Variants in STIM2 observed in about 807,000 individuals in gnomAD.
STIM2 encodes stromal interaction molecule 2.
Under a neutral mutation model 85.8 loss-of-function variants are expected in STIM2, and 31 were observed. The ratio of observed to expected loss-of-function variants is 0.36; its 90% CI spans 0.27 to 0.49. STIM2 has a LOEUF of 0.49. STIM2 is among the 20% of genes least tolerant of loss of function. The probability of loss-of-function intolerance (pLI) is 0.98; values close to 1 mark genes in which losing one functional copy is unlikely to be tolerated. For synonymous variants in STIM2, 356 were observed against 331.1 expected (o/e 1.08, Z -0.82); for missense variants, 841 against 927.6 (o/e 0.91, Z 1.21).
At chr4:26,956,671 AG>A (rs1726255204) in intron 2 of STIM2, among the ~76,000 whole-genome samples, 1 of 151,868 alleles carries the variant, frequency 6.6e-6, no homozygotes, top group Non-Finnish European at 1.5e-5. Context: ...AATTAAAAGT[AG>A]TAGCTTAAAA....
chr4:26,861,890 T>A (rs942642871), intron 1 of STIM2, among the ~76,000 whole-genome samples: 7 of 152,050 alleles, frequency 4.6e-5, no homozygotes, highest in African/African-American at 1.7e-4. Context: ...CCTAGTGATA[T>A]TAGTGGTTCC....
chr4:26,974,606 C>T (rs573066847), intron 3 of STIM2, among the ~76,000 whole-genome samples: 17 of 152,236 alleles, frequency 1.1e-4, no homozygotes, highest in South Asian at 4.2e-4. Context: ...CCAAGAGATT[C>T]GCTGTTAGTC....
rs549717901 is a variant in STIM2, at chr4:26,944,153, G to A, written c.283-13459G>A. 2.0e-5 allele frequency among the ~76,000 whole-genome samples: 3 copies of A among 152,008 alleles called. No individual in the cohort carries two copies. In the East Asian group the frequency reaches 5.8e-4, roughly 29 times the overall value. ...TATTGTTTTATACAAATATATACAT[G>A]GTTCCACAGTCTAATCTAGGAAACA... On this transcript the variant is annotated intron_variant, in intron 2 of 11. Coordinates refer to ENST00000467087, the MANE Select transcript of STIM2 (RefSeq NM_020860.4).
At chr4:26,915,651 G>A (rs552194743) in intron 1 of STIM2, among the ~76,000 whole-genome samples, 58 of 152,316 alleles carry the variant, frequency 3.8e-4, no homozygotes, top group African/African-American at 1.3e-3. Flanking sequence ...ATTTAATAAT[G>A]GTGTTGATAG....
Position 27,017,816 on chromosome 4 carries a change from C to A in STIM2, c.1595C>A (p.Ala532Asp). The change falls in exon 11 of 12, where the codon GCT (alanine) becomes GAT (aspartate). Residue 532 changes from alanine to aspartate, a missense_variant. Ala to Asp is a moderately radical substitution (Grantham distance 126). Coordinates refer to ENST00000467087, the MANE Select transcript of STIM2 (RefSeq NM_020860.4). ...CCTCAGCCTCAGCGAGCTCAGCTTG[C>A]TCCACACGCCCCCCACCCGTCACAC... 2 of 1,614,148 alleles carry A rather than the reference C, an allele frequency of 1.2e-6. No individual in the cohort carries two copies. The highest frequency in any genetic ancestry group is 1.7e-6 in the Non-Finnish European group (2 of 1,180,032).
At chr4:26,918,228 C>CTT (rs367780616) in intron 1 of STIM2, among the ~76,000 whole-genome samples, 28 of 130,506 alleles carry the variant, frequency 2.1e-4, no homozygotes, top group Admixed American at 6.2e-4. Flanking sequence ...ATCAGTTTGA[C>CTT]TTTTTTTTTT....
intron 1 of STIM2, among the ~76,000 whole-genome samples, chr4:26,886,193 C>T (rs1163485749): frequency 1.3e-5 from 2 of 152,008 alleles, no homozygotes; most frequent in Non-Finnish European, 2.9e-5. Context: ...GAACTTTTTC[C>T]TTCTTAAAGC....
intron 3 of STIM2, among the ~76,000 whole-genome samples, chr4:26,990,242 C>T (rs367725735): frequency 2.0e-5 from 3 of 151,984 alleles, no homozygotes; most frequent in African/African-American, 2.4e-5. Context: ...ATCATGGTAC[C>T]GGCATAAAAA....
At chr4:26,869,743 A>G (rs371322754) in intron 1 of STIM2, among the ~76,000 whole-genome samples, 1 of 151,716 alleles carries the variant, frequency 6.6e-6, no homozygotes, top group East Asian at 1.9e-4. Flanking sequence ...CATAATCTAA[A>G]AATATGAAAA....
intron 1 of STIM2, among the ~76,000 whole-genome samples, chr4:26,897,514 G>A (rs1723752383): frequency 6.6e-6 from 1 of 152,090 alleles, no homozygotes; most frequent in Admixed American, 6.5e-5. Flanking sequence ...ACACAGTAGT[G>A]TAATAAATTT....
chr4:26,956,947 A>G (rs1726268325), intron 2 of STIM2, among the ~76,000 whole-genome samples: 3 of 152,122 alleles, frequency 2.0e-5, no homozygotes, highest in Admixed American at 2.0e-4. Flanking sequence ...CTTTCCTTAT[A>G]GGACTGTCGT....
chr4:26,873,837 G>T, intron 1 of STIM2: 1 of 977,850 alleles, frequency 1.0e-6, no homozygotes, highest in Non-Finnish European at 1.6e-6. Flanking sequence ...AACCGCCGTA[G>T]TGGGTGGGTA....
chr4:26,910,784 G>C (rs1006771520), intron 1 of STIM2, among the ~76,000 whole-genome samples: 2 of 152,150 alleles, frequency 1.3e-5, no homozygotes, highest in Non-Finnish European at 1.5e-5. Flanking sequence ...CTATAGAGAG[G>C]CTCTGAGATC....
intron 3 of STIM2, among the ~76,000 whole-genome samples, chr4:26,993,831 G>C (rs1026283293): frequency 4.6e-5 from 7 of 152,148 alleles, no homozygotes; most frequent in African/African-American, 1.7e-4. Context: ...ATAAAGTTTT[G>C]TTCTGTGAAC....
At chr4:26,983,654 G>A (rs890927876) in intron 3 of STIM2, among the ~76,000 whole-genome samples, 1 of 152,124 alleles carries the variant, frequency 6.6e-6, no homozygotes, top group Non-Finnish European at 1.5e-5. Flanking sequence ...TTCTTACCTG[G>A]AAGTTGTTTG....
Position 26,861,235 on chromosome 4 carries a change from TG to T in STIM2, c.18del (p.Leu7TrpfsTer2). 1 of 1,494,998 alleles carries T rather than the reference TG, an allele frequency of 6.7e-7. No homozygotes were observed. The highest frequency in any genetic ancestry group is 8.9e-7 in the Non-Finnish European group (1 of 1,129,670). 92.6% of individuals were successfully genotyped at this position (1,494,998 alleles called of 1,614,324 possible). A position where few individuals can be genotyped will look rare whatever the true frequency, so the allele number is the denominator to read the frequency against. On this transcript the variant is annotated frameshift_variant, in exon 1 of 12. Coordinates refer to ENST00000467087, the MANE Select transcript of STIM2 (RefSeq NM_020860.4). LOFTEE classifies it high-confidence loss of function. ...TGGGCTGCGTTGCTGGTGCTCGGGC[TG>T]CTGGTAGCCGGAGCGGCGGACGGAT...
At chr4:26,989,554 C>T (rs1727692126) in intron 3 of STIM2, among the ~76,000 whole-genome samples, 1 of 152,164 alleles carries the variant, frequency 6.6e-6, no homozygotes, top group Admixed American at 6.5e-5. Context: ...AGATCTGAAA[C>T]AAGACAAGGA....
intron 1 of STIM2, among the ~76,000 whole-genome samples, chr4:26,898,077 A>G (rs1723777133): frequency 6.6e-6 from 1 of 152,326 alleles, no homozygotes; most frequent in East Asian, 1.9e-4. Context: ...CCAAACATGT[A>G]TTTTAAAAAA....
rs1213282476 is a variant in STIM2, at chr4:27,024,167, T to C, written c.*1171T>C. The stretch of plus-strand genomic sequence containing the variant: ...GTTCTAATATCAAGATTAACAAATA[T>C]AAATTTATGGTGCATTTAGATTGCG... On this transcript the variant is annotated 3_prime_UTR_variant, in exon 12 of 12. Transcript: ENST00000467087. The C allele has an allele frequency of 6.6e-6, 1 of 152,254 alleles. No individual in the cohort carries two copies. Among genetic ancestry groups the C allele is most frequent in the African/African-American group, 2.4e-5 (1 of 41,456 alleles). The allele number at this position is 152,254 out of a possible 1,614,324, so 9.4% of individuals were successfully genotyped here. A position where few individuals can be genotyped will look rare whatever the true frequency, so the allele number is the denominator to read the frequency against.
Sources: allele counts gnomAD v4.1 joint callset (sites outside exome capture counted in the v4.1 genomes callset), GRCh38; gene constraint gnomAD v4.1.1; transcripts MANE v1.5; gene names NCBI Gene and HGNC (gene_info 2026-07-23, HGNC 2026-07-21).